The following GNG4 variants were observed in gnomAD, a reference collection of about 807,000 sequenced individuals.
The protein encoded by GNG4 is guanine nucleotide-binding protein G(I)/G(S)/G(O) subunit gamma-4.
Under a neutral mutation model 5.8 loss-of-function variants are expected in GNG4, and 4 were observed. The ratio of observed to expected loss-of-function variants is 0.69; its 90% confidence interval spans 0.34 to 1.57. GNG4 has a LOEUF of 1.57. Ranked by LOEUF, GNG4 falls within the 40% of genes most tolerant of loss-of-function variation. The pLI is 0.06. For missense variants in GNG4, 96 were observed against 95.1 expected, an observed-to-expected ratio of 1.01 and a Z score of -0.04; for synonymous variants, 29 against 32.9, an observed-to-expected ratio of 0.88 and a Z score of 0.41.
At chr1:235,611,019 C>T (rs1013103691) in intron 1 of GNG4, among the ~76,000 whole-genome samples, 9 of 152,150 alleles carry the variant, frequency 5.9e-5, no homozygotes, top group East Asian at 3.9e-4. Context: ...ACCCAGGAGG[C>T]GGAGTTTGCA....
chr1:235,591,426 G>A (rs1687960521), intron 2 of GNG4, among the ~76,000 whole-genome samples: 1 of 152,216 alleles, frequency 6.6e-6, no homozygotes, highest in Non-Finnish European at 1.5e-5. Context: ...TTTTGCCAAT[G>A]GTGCTGAAGA....
chr1:235,568,403 C>T (rs1687253887), intron 3 of GNG4, among the ~76,000 whole-genome samples: 1 of 152,172 alleles, frequency 6.6e-6, no homozygotes, highest in Non-Finnish European at 1.5e-5. Context: ...ATTTTCTCAG[C>T]TTTCTTATGG....
intron 2 of GNG4, among the ~76,000 whole-genome samples, chr1:235,593,116 T>C (rs924222128): frequency 6.6e-6 from 1 of 152,158 alleles, no homozygotes; most frequent in African/African-American, 2.4e-5. Flanking sequence ...GCCCAGCTAA[T>C]TTTTGTATTT....
intron 1 of GNG4, among the ~76,000 whole-genome samples, chr1:235,625,337 C>T (rs1454361524): frequency 1.3e-5 from 2 of 152,240 alleles, no homozygotes; most frequent in Non-Finnish European, 2.9e-5. Context: ...AGAGTTCCCA[C>T]ATAACTCCTG....
intron 3 of GNG4, among the ~76,000 whole-genome samples, chr1:235,559,501 T>C (rs1481945577): frequency 6.6e-6 from 1 of 152,170 alleles, no homozygotes; most frequent in East Asian, 1.9e-4. Context: ...TCTAGATACT[T>C]TCATATTATG....
chr1:235,591,398 G>A (rs1255008927), intron 2 of GNG4, among the ~76,000 whole-genome samples: 3 of 152,214 alleles, frequency 2.0e-5, no homozygotes, highest in South Asian at 2.1e-4. Flanking sequence ...AATCCCTGGT[G>A]GGGGAGAAGG....
intron 3 of GNG4, among the ~76,000 whole-genome samples, chr1:235,569,429 G>A (rs909700672): frequency 1.4e-5 from 2 of 147,906 alleles, no homozygotes; most frequent in Non-Finnish European, 3.0e-5. Flanking sequence ...CTGCACTCCA[G>A]CCTGGGTGAC....
intron 3 of GNG4, among the ~76,000 whole-genome samples, chr1:235,557,846 T>G (rs1274638136): frequency 6.6e-6 from 1 of 152,072 alleles, no homozygotes; most frequent in Non-Finnish European, 1.5e-5. Flanking sequence ...CATAGCAGAG[T>G]AACTTCTTCC....
intron 1 of GNG4, among the ~76,000 whole-genome samples, chr1:235,638,443 T>C (rs1457034298): frequency 2.6e-5 from 4 of 151,318 alleles, no homozygotes; most frequent in Non-Finnish European, 4.4e-5. Context: ...TTCCAGTGTC[T>C]ACAGCCATCT....
intron 1 of GNG4, among the ~76,000 whole-genome samples, chr1:235,610,801 G>C (rs1688461330): frequency 6.6e-6 from 1 of 152,148 alleles, no homozygotes; most frequent in East Asian, 1.9e-4. Context: ...AGCACTGCAA[G>C]AGGCTGGGCG....
intron 1 of GNG4, among the ~76,000 whole-genome samples, chr1:235,599,162 AC>A (rs1221441475): frequency 2.0e-5 from 3 of 152,114 alleles, no homozygotes. Context: ...ACTGGCTGGG[AC>A]CTCGGGGAGG....
At chr1:235,619,450 C>G (rs1010379894) in intron 1 of GNG4, among the ~76,000 whole-genome samples, 2 of 152,030 alleles carry the variant, frequency 1.3e-5, no homozygotes, top group African/African-American at 4.8e-5. Context: ...AGACATCTCT[C>G]AAACCAGGGA....
At chr1:235,570,862 A>ATATATGTGTG (rs143958257) in intron 3 of GNG4, among the ~76,000 whole-genome samples, 8 of 141,598 alleles carry the variant, frequency 5.6e-5, no homozygotes, top group East Asian at 2.1e-4. Flanking sequence ...ATATATATAT[A>ATATATGTGTG]TGTGTGTGTG....
At chr1:235,559,999 C>T (rs553675123) in intron 3 of GNG4, among the ~76,000 whole-genome samples, 3 of 152,294 alleles carry the variant, frequency 2.0e-5, no homozygotes, top group South Asian at 4.1e-4. Context: ...TAACCAAGCC[C>T]GTTCAACAGG....
intron 3 of GNG4, among the ~76,000 whole-genome samples, chr1:235,569,215 A>G (rs938123200): frequency 2.0e-5 from 3 of 152,134 alleles, no homozygotes; most frequent in Non-Finnish European, 4.4e-5. Context: ...AACACATATT[A>G]AGAATGTACC....
intron 1 of GNG4, among the ~76,000 whole-genome samples, chr1:235,609,619 GAA>G (rs1164233648): frequency 6.6e-6 from 1 of 152,144 alleles, no homozygotes; most frequent in Non-Finnish European, 1.5e-5. Flanking sequence ...ATAGCATAAA[GAA>G]AAGTTTCCTG....
intron 2 of GNG4, among the ~76,000 whole-genome samples, chr1:235,585,443 T>C (rs1036759473): frequency 6.6e-6 from 1 of 152,206 alleles, no homozygotes; most frequent in Non-Finnish European, 1.5e-5. Flanking sequence ...CCCAGGCTGG[T>C]CCTGTGTTTA....
intron 2 of GNG4, among the ~76,000 whole-genome samples, chr1:235,591,890 C>G (rs61591926): frequency 0.037 from 5,703 of 152,264 alleles, 345 homozygotes; most frequent in African/African-American, 0.13. Flanking sequence ...ACCCGTTGTA[C>G]GGGTCTGTGG....
chr1:235,607,930 T>C (rs996247788), intron 1 of GNG4, among the ~76,000 whole-genome samples: 4 of 141,688 alleles, frequency 2.8e-5, no homozygotes, highest in Non-Finnish European at 4.4e-5. Context: ...CAGGAAATGC[T>C]GTTTCTATTT....
Sources: allele counts gnomAD v4.1 joint callset (sites outside exome capture counted in the v4.1 genomes callset), GRCh38; gene constraint gnomAD v4.1.1; transcripts MANE v1.5; gene names NCBI Gene and HGNC (gene_info 2026-07-23, HGNC 2026-07-21).